The following CMIP variants were observed in gnomAD, a reference collection of about 807,000 sequenced individuals.
The protein encoded by CMIP is C-Maf-inducing protein.
CMIP carries 13 observed loss-of-function variants against 97.3 expected under a neutral mutation model. That is an observed-to-expected ratio of 0.13 (90% CI 0.09 to 0.21). CMIP has a LOEUF of 0.21. Among genes scored for constraint, CMIP ranks in the 10% least tolerant of loss-of-function variants. The pLI is 1.00. For synonymous variants in CMIP, 538 were observed against 436.3 expected (o/e 1.23, Z -2.91); for missense variants, 847 against 1,024.9 (o/e 0.83, Z 2.37).
chr16:81,625,891 T>G (rs1236172794), intron 3 of CMIP, among the ~76,000 whole-genome samples: 1 of 152,190 alleles, frequency 6.6e-6, no homozygotes, highest in East Asian at 1.9e-4. Context: ...GTGAGGTCAC[T>G]CAGAACAGCC....
At chr16:81,579,828 C>T (rs1403780926) in intron 1 of CMIP, among the ~76,000 whole-genome samples, 4 of 152,160 alleles carry the variant, frequency 2.6e-5, no homozygotes, top group African/African-American at 9.7e-5. Context: ...TGGTGGCGGA[C>T]GCCTGTAGTC....
chr16:81,704,335 G>GC (rs1907806610), intron 18 of CMIP, among the ~76,000 whole-genome samples: 1 of 23,056 alleles, frequency 4.3e-5, no homozygotes, highest in Admixed American at 4.3e-4. Flanking sequence ...TCTCCTCCCT[G>GC]CCCCCTCACC....
At chr16:81,526,704 A>G (rs902656269) in intron 1 of CMIP, among the ~76,000 whole-genome samples, 7 of 152,228 alleles carry the variant, frequency 4.6e-5, no homozygotes, top group African/African-American at 7.2e-5. Flanking sequence ...AAGGGGTCCA[A>G]GGCACAAAAA....
chr16:81,690,571 T>C (rs1465760039), intron 10 of CMIP, among the ~76,000 whole-genome samples: 7 of 152,206 alleles, frequency 4.6e-5, no homozygotes, highest in Non-Finnish European at 1.0e-4. Context: ...TGGGGTGATC[T>C]CAGCTCACTG....
At position 81,667,799 on chromosome 16, in the gene CMIP, A is replaced by AGAGAGAGAGAGTGTGT; in HGVS notation, c.826-2342_826-2341insAGAGAGAGAGTGTGTG. Among the ~76,000 whole-genome samples, 148 of 58,110 alleles carry AGAGAGAGAGAGTGTGT rather than the reference A, an allele frequency of 2.5e-3. 1 individual carries two copies. The highest frequency in any genetic ancestry group is 3.4e-3 in the Non-Finnish European group (106 of 31,268). 38.1% of individuals were successfully genotyped at this position (58,110 alleles called of 152,430 possible). On this transcript the variant is annotated intron_variant, in intron 7 of 20. Transcript: ENST00000537098. ...GAGAGAGAGAGAGAGAGAGAGAGAG[A>AGAGAGAGAGAGTGTGT]GTGTGTGTGTGTGTGTGTGTGTGTG...
intron 1 of CMIP, among the ~76,000 whole-genome samples, chr16:81,600,877 T>G (rs2150932645): frequency 6.6e-6 from 1 of 152,310 alleles, no homozygotes; most frequent in South Asian, 2.1e-4. Flanking sequence ...GTTGTTGGTG[T>G]TGTTGCTGTT....
intron 14 of CMIP, among the ~76,000 whole-genome samples, chr16:81,699,215 C>T (rs575890411): frequency 7.9e-4 from 120 of 152,258 alleles, no homozygotes; most frequent in African/African-American, 2.8e-3. Context: ...GATCGCACCA[C>T]TACACACTCC....
chr16:81,579,719 T>TA (rs34345437), intron 1 of CMIP, among the ~76,000 whole-genome samples: 24 of 151,396 alleles, frequency 1.6e-4, no homozygotes, highest in African/African-American at 4.6e-4. Context: ...TTCTGCCACT[T>TA]AAAAAAAAAT....
At chr16:81,535,049 C>T (rs1315746401) in intron 1 of CMIP, among the ~76,000 whole-genome samples, 1 of 152,144 alleles carries the variant, frequency 6.6e-6, no homozygotes, top group Non-Finnish European at 1.5e-5. Flanking sequence ...CTCCCGGGTT[C>T]ATGCCATTCT....
At chr16:81,520,311 C>G (rs2089995072) in intron 1 of CMIP, 1 of 152,196 alleles carries the variant, frequency 6.6e-6, no homozygotes, top group South Asian at 2.1e-4. Flanking sequence ...CTCAGAGACT[C>G]TGGGAGCCAC....
intron 1 of CMIP, 114 bp downstream of exon 1, chr16:81,445,655 G>A: frequency 8.3e-7 from 1 of 1,204,704 alleles, no homozygotes; most frequent in Non-Finnish European, 1.1e-6. Flanking sequence ...GCGGTGGGGG[G>A]TGCCGGGGGA....
At chr16:81,531,341 C>T (rs539059901) in intron 1 of CMIP, among the ~76,000 whole-genome samples, 9 of 152,240 alleles carry the variant, frequency 5.9e-5, no homozygotes, top group East Asian at 1.9e-4. Context: ...TCAGAGCCTC[C>T]GGAGGAAATC....
intron 1 of CMIP, among the ~76,000 whole-genome samples, chr16:81,451,564 T>C (rs1384264159): frequency 6.6e-6 from 1 of 152,214 alleles, no homozygotes; most frequent in African/African-American, 2.4e-5. Context: ...ATGGGGGAGC[T>C]GAGCCTCCTT....
intron 1 of CMIP, among the ~76,000 whole-genome samples, chr16:81,547,551 T>G (rs2090570772): frequency 6.6e-6 from 1 of 151,702 alleles, no homozygotes; most frequent in Non-Finnish European, 1.5e-5. Flanking sequence ...AGCTGGGCCT[T>G]GGAGACAAAC....
intron 1 of CMIP, among the ~76,000 whole-genome samples, chr16:81,594,096 C>T (rs1167513870): frequency 1.8e-5 from 2 of 113,634 alleles, no homozygotes; most frequent in East Asian, 6.5e-4. Flanking sequence ...TCCTCCTCTT[C>T]CTCCCCCTCC....
intron 1 of CMIP, among the ~76,000 whole-genome samples, chr16:81,586,551 CA>C (rs2091385714): frequency 6.6e-6 from 1 of 152,112 alleles, no homozygotes; most frequent in Non-Finnish European, 1.5e-5. Context: ...GGTGTAACTC[CA>C]AGCACTGTAG....
intron 1 of CMIP, among the ~76,000 whole-genome samples, chr16:81,560,420 GT>G (rs1248625310): frequency 6.6e-6 from 1 of 151,976 alleles, no homozygotes; most frequent in Non-Finnish European, 1.5e-5. Flanking sequence ...GGGTTTCACC[GT>G]GTTAGCCAGG....
intron 3 of CMIP, among the ~76,000 whole-genome samples, chr16:81,649,244 C>T (rs538591960): frequency 1.2e-4 from 18 of 152,408 alleles, no homozygotes; most frequent in African/African-American, 3.8e-4. Flanking sequence ...CCTCTGCAGA[C>T]TCTCCCATGG....
chr16:81,487,151 G>A (rs1471483783), intron 1 of CMIP, among the ~76,000 whole-genome samples: 1 of 151,266 alleles, frequency 6.6e-6, no homozygotes. Flanking sequence ...CTGCAGGGGT[G>A]AGGCTTCTAG....
Sources: gnomAD v4.1 joint callset for allele counts (sites outside exome capture counted in the v4.1 genomes callset) on GRCh38, gnomAD v4.1.1 for gene constraint, MANE v1.5 for transcripts, NCBI Gene and HGNC (gene_info 2026-07-23, HGNC 2026-07-21) for gene names.